NEGR1: variants seen among roughly 807,000 people sequenced by gnomAD.
The protein encoded by NEGR1 is IgLON family member 4.
NEGR1 carries 10 observed loss-of-function variants against 40.9 expected under a neutral mutation model. The observed-to-expected ratio is 0.24, with a 90% CI of 0.15 to 0.42. The LOEUF (loss-of-function observed/expected upper bound fraction) is 0.42, where lower values mean the gene tolerates loss of function less well. Among genes scored for constraint, NEGR1 ranks in the 10% least tolerant of loss-of-function variants. The pLI is 1.00. For synonymous variants in NEGR1, 185 were observed against 166.8 expected, an observed-to-expected ratio of 1.11 and a Z score of -0.84; for missense variants, 352 against 438.9, an observed-to-expected ratio of 0.80 and a Z score of 1.77.
intron 4 of NEGR1, among the ~76,000 whole-genome samples, chr1:71,658,665 T>C (rs1651951483): frequency 6.6e-6 from 1 of 152,184 alleles, no homozygotes; most frequent in Non-Finnish European, 1.5e-5. Context: ...AAAGTAATAC[T>C]AATAGACAAT....
At chr1:71,476,570 T>G (rs1398334990) in intron 6 of NEGR1, among the ~76,000 whole-genome samples, 1 of 152,162 alleles carries the variant, frequency 6.6e-6, no homozygotes, top group Admixed American at 6.6e-5. Context: ...GGCTGTGGGC[T>G]TCAAGTCACA....
intron 6 of NEGR1, among the ~76,000 whole-genome samples, chr1:71,502,688 C>A (rs932253107): frequency 5.3e-5 from 8 of 152,136 alleles, no homozygotes; most frequent in African/African-American, 1.9e-4. Context: ...CAGGAGGCAG[C>A]AGAGGCAACA....
rs577144685 is a variant in NEGR1 at position 71,549,252 on chromosome 1, A to C, written c.940+43565T>G. ...AAGATCTCAGGGAATTAACATAACA[A>C]ATGTTTATTTATTACCATGCTACAC... On this transcript the variant is annotated intron_variant, in intron 6 of 6. Coordinates refer to ENST00000357731, the MANE Select transcript of NEGR1 (RefSeq NM_173808.3). Among the ~76,000 whole-genome samples, 21 of 151,834 alleles carry C rather than the reference A, an allele frequency of 1.4e-4. No homozygotes were observed. The South Asian group carries it at 4.4e-3, about 32-fold the overall frequency.
chr1:72,039,606 T>C (rs1433884722), intron 1 of NEGR1, among the ~76,000 whole-genome samples: 1 of 151,946 alleles, frequency 6.6e-6, no homozygotes, highest in Non-Finnish European at 1.5e-5. Context: ...CAACTCAATA[T>C]TGGGATCAAG....
intron 1 of NEGR1, among the ~76,000 whole-genome samples, chr1:71,939,500 A>T (rs1645940226): frequency 6.6e-6 from 1 of 152,184 alleles, no homozygotes; most frequent in Admixed American, 6.5e-5. Flanking sequence ...AAATTCCCAA[A>T]GTGAGGCATA....
chr1:72,054,846 C>T (rs1035910422), intron 1 of NEGR1, among the ~76,000 whole-genome samples: 6 of 150,966 alleles, frequency 4.0e-5, no homozygotes, highest in Admixed American at 2.7e-4. Context: ...CATTAGTAGT[C>T]TGTGATTCTA....
At chr1:71,741,406 C>T (rs565642162) in intron 3 of NEGR1, among the ~76,000 whole-genome samples, 2 of 152,252 alleles carry the variant, frequency 1.3e-5, no homozygotes, top group South Asian at 2.1e-4. Context: ...TGTGTTTCCT[C>T]CTATCAACCC....
At chr1:71,787,522 A>G (rs758035026) in intron 2 of NEGR1, among the ~76,000 whole-genome samples, 1 of 152,156 alleles carries the variant, frequency 6.6e-6, no homozygotes, top group African/African-American at 2.4e-5. Context: ...AAAAATAGAA[A>G]AGTCTAGGCT....
chr1:71,649,603 AAC>A (rs1421345068), intron 4 of NEGR1, among the ~76,000 whole-genome samples: 1 of 152,162 alleles, frequency 6.6e-6, no homozygotes, highest in Non-Finnish European at 1.5e-5. Context: ...AATGTGTGGA[AAC>A]ATGAAATCTA....
intron 2 of NEGR1, among the ~76,000 whole-genome samples, chr1:71,929,742 T>G (rs1645837053): frequency 6.6e-6 from 1 of 152,090 alleles, no homozygotes; most frequent in Non-Finnish European, 1.5e-5. Flanking sequence ...GTTTTTTTTT[T>G]TTTCTTCTTT....
At chr1:72,085,098 T>TA (rs1648161496) in intron 1 of NEGR1, among the ~76,000 whole-genome samples, 1 of 152,182 alleles carries the variant, frequency 6.6e-6, no homozygotes, top group South Asian at 2.1e-4. Flanking sequence ...CCAAAGAGGT[T>TA]AAAAAATCCA....
At chr1:71,505,447 A>G (rs963418302) in intron 6 of NEGR1, among the ~76,000 whole-genome samples, 6 of 151,918 alleles carry the variant, frequency 3.9e-5, no homozygotes, top group Non-Finnish European at 5.9e-5. Flanking sequence ...GCGCCAGACT[A>G]ATTTTTTGCA....
chr1:72,046,745 T>C (rs1438158498), intron 1 of NEGR1, among the ~76,000 whole-genome samples: 1 of 151,680 alleles, frequency 6.6e-6, no homozygotes, highest in Middle Eastern at 3.4e-3. Context: ...TACAACAGAA[T>C]AAAAATAGCT....
intron 4 of NEGR1, among the ~76,000 whole-genome samples, chr1:71,682,170 T>C (rs1652861767): frequency 6.6e-6 from 1 of 152,080 alleles, no homozygotes; most frequent in Non-Finnish European, 1.5e-5. Flanking sequence ...AATTTGTTAA[T>C]CCCCTCTTTA....
At chr1:72,219,668 T>C (rs1653946595) in intron 1 of NEGR1, among the ~76,000 whole-genome samples, 1 of 152,064 alleles carries the variant, frequency 6.6e-6, no homozygotes, top group Non-Finnish European at 1.5e-5. Flanking sequence ...GTACAATCAA[T>C]AGATATGTTT....
At chr1:72,253,586 G>A (rs573260942) in intron 1 of NEGR1, among the ~76,000 whole-genome samples, 2 of 152,252 alleles carry the variant, frequency 1.3e-5, no homozygotes, top group African/African-American at 4.8e-5. Flanking sequence ...CTAGGAATAA[G>A]TAAGTGTTCA....
chr1:71,658,817 T>A (rs1355878468), intron 4 of NEGR1, among the ~76,000 whole-genome samples: 1 of 152,186 alleles, frequency 6.6e-6, no homozygotes, highest in African/African-American at 2.4e-5. Context: ...TCTTAGAATT[T>A]TTATACTTGA....
chr1:72,036,768 C>CAT (rs938881380), intron 1 of NEGR1, among the ~76,000 whole-genome samples: 16 of 151,066 alleles, frequency 1.1e-4, no homozygotes, highest in East Asian at 3.9e-4. Flanking sequence ...TTTAACTTTA[C>CAT]ATATATATAT....
intron 3 of NEGR1, among the ~76,000 whole-genome samples, chr1:71,771,224 C>G (rs1656307467): frequency 6.6e-6 from 1 of 152,146 alleles, no homozygotes; most frequent in Non-Finnish European, 1.5e-5. Context: ...ACCACATGTT[C>G]TCACTCATAA....
Sources: gnomAD v4.1 joint callset for allele counts (sites outside exome capture counted in the v4.1 genomes callset) on GRCh38, gnomAD v4.1.1 for gene constraint, MANE v1.5 for transcripts, NCBI Gene and HGNC (gene_info 2026-07-23, HGNC 2026-07-21) for gene names.